DENND4C: variants seen among roughly 807,000 people sequenced by gnomAD.
The protein encoded by DENND4C is DENN domain containing 4C.
DENND4C carries 108 observed loss-of-function variants against 203.0 expected under a neutral mutation model. The ratio of observed to expected loss-of-function variants is 0.53; its 90% CI spans 0.46 to 0.62. The LOEUF (loss-of-function observed/expected upper bound fraction) is 0.62, where lower values mean the gene tolerates loss of function less well. Ranked by LOEUF, DENND4C falls within the 20% of genes least tolerant of loss-of-function variation. The pLI is 0.00. For missense variants in DENND4C, 2,481 were observed against 2,301.2 expected, an observed-to-expected ratio of 1.08 and a Z score of -1.60; for synonymous variants, 871 against 792.4, an observed-to-expected ratio of 1.10 and a Z score of -1.67.
intron 30 of DENND4C, among the ~76,000 whole-genome samples, chr9:19,363,847 C>T (rs1827038089): frequency 6.6e-6 from 1 of 151,866 alleles, no homozygotes. Flanking sequence ...TCTGTCTCTA[C>T]TAAAAATATA....
intron 5 of DENND4C, among the ~76,000 whole-genome samples, chr9:19,291,940 T>TG (rs1338741816): frequency 6.6e-6 from 1 of 152,074 alleles, no homozygotes; most frequent in Admixed American, 6.5e-5. Flanking sequence ...CCAAGGTTGA[T>TG]GAAAAAATTG....
At chr9:19,280,136 G>A (rs201247953) in intron 2 of DENND4C, among the ~76,000 whole-genome samples, 6 of 43,032 alleles carry the variant, frequency 1.4e-4, no homozygotes, top group South Asian at 1.0e-3. Flanking sequence ...CTGCCTACCT[G>A]CCTGCCTTCC....
chr9:19,351,698 C>G (rs1824160694), intron 24 of DENND4C, among the ~76,000 whole-genome samples: 2 of 151,358 alleles, frequency 1.3e-5, no homozygotes, highest in South Asian at 4.2e-4. Flanking sequence ...TCCCAGCTAC[C>G]TGGGAGGCGG....
chr9:19,260,795 G>T (rs1455868591), intron 1 of DENND4C, among the ~76,000 whole-genome samples: 2 of 152,110 alleles, frequency 1.3e-5, no homozygotes, highest in African/African-American at 4.8e-5. Context: ...TTCCTTTGCT[G>T]TGCAGAAGCA....
intron 1 of DENND4C, among the ~76,000 whole-genome samples, chr9:19,243,458 G>A (rs1022497577): frequency 1.3e-5 from 2 of 152,112 alleles, no homozygotes; most frequent in Admixed American, 6.6e-5. Flanking sequence ...CAAACTAAAT[G>A]TTCCCAAACG....
At chr9:19,238,405 A>G (rs993954006) in intron 1 of DENND4C, among the ~76,000 whole-genome samples, 1 of 150,248 alleles carries the variant, frequency 6.7e-6, no homozygotes, top group Non-Finnish European at 1.5e-5. Flanking sequence ...AGTGGTTGCT[A>G]GCAGTCCTTA....
chr9:19,231,903 G>A (rs2131301137), intron 1 of DENND4C, among the ~76,000 whole-genome samples: 1 of 152,174 alleles, frequency 6.6e-6, no homozygotes, highest in South Asian at 2.1e-4. Context: ...TCCGGTCTGT[G>A]TATAATGAGA....
At chr9:19,261,789 C>T (rs1392147458) in intron 1 of DENND4C, among the ~76,000 whole-genome samples, 1 of 152,052 alleles carries the variant, frequency 6.6e-6, no homozygotes, top group Admixed American at 6.6e-5. Flanking sequence ...CAGACATGAG[C>T]CACCATGCCT....
intron 1 of DENND4C, among the ~76,000 whole-genome samples, chr9:19,245,619 G>T (rs906134867): frequency 2.0e-5 from 3 of 152,088 alleles, no homozygotes; most frequent in African/African-American, 7.2e-5. Flanking sequence ...CACTTTGGAA[G>T]GCCGAGGCGG....
intron 1 of DENND4C, among the ~76,000 whole-genome samples, chr9:19,272,450 A>C (rs1831918795): frequency 6.6e-6 from 1 of 151,934 alleles, no homozygotes; most frequent in African/African-American, 2.4e-5. Flanking sequence ...AAAAAACAAA[A>C]AAATGTTTCC....
intron 23 of DENND4C, among the ~76,000 whole-genome samples, chr9:19,348,392 GA>G (rs1430863086): frequency 6.6e-6 from 1 of 152,060 alleles, no homozygotes; most frequent in Non-Finnish European, 1.5e-5. Flanking sequence ...GGGCTATCCA[GA>G]AAAAAAGCAA....
intron 3 of DENND4C, 96 bp downstream of exon 3, chr9:19,287,117 A>G (rs759655453): frequency 2.8e-5 from 30 of 1,069,120 alleles, no homozygotes; most frequent in Non-Finnish European, 3.0e-5. Flanking sequence ...CTCACATTTT[A>G]TATTTTCATG....
intron 1 of DENND4C, among the ~76,000 whole-genome samples, chr9:19,263,370 T>G (rs1010828320): frequency 3.9e-5 from 6 of 152,184 alleles, no homozygotes; most frequent in African/African-American, 7.2e-5. Flanking sequence ...TTATTTGTTT[T>G]TTTGAGACAG....
chr9:19,256,780 A>G (rs1828075057), intron 1 of DENND4C, among the ~76,000 whole-genome samples: 2 of 152,162 alleles, frequency 1.3e-5, no homozygotes, highest in African/African-American at 2.4e-5. Context: ...AAAAAAGGAA[A>G]TAAAACAAGG....
At chr9:19,261,903 CCTTAA>C (rs1829448341) in intron 1 of DENND4C, among the ~76,000 whole-genome samples, 1 of 151,704 alleles carries the variant, frequency 6.6e-6, no homozygotes, top group Admixed American at 6.6e-5. Context: ...ATTAGGTTAA[CCTTAA>C]CTTAGGTTAA....
intron 1 of DENND4C, among the ~76,000 whole-genome samples, chr9:19,271,115 A>G (rs1226641420): frequency 6.6e-6 from 1 of 152,168 alleles, no homozygotes; most frequent in Admixed American, 6.5e-5. Context: ...TTCATGGATT[A>G]GAAGACTCAA....
chr9:19,251,585 G>A (rs981984411), intron 1 of DENND4C, among the ~76,000 whole-genome samples: 7 of 152,132 alleles, frequency 4.6e-5, no homozygotes, highest in Non-Finnish European at 1.0e-4. Context: ...CAAATTTTCT[G>A]AACTTTTATG....
chr9:19,316,208 A>G (rs1841821839), intron 10 of DENND4C, among the ~76,000 whole-genome samples: 1 of 152,216 alleles, frequency 6.6e-6, no homozygotes, highest in Non-Finnish European at 1.5e-5. Flanking sequence ...ATATGTTGGA[A>G]GGTTAGAATG....
chr9:19,371,686 CATT>C, intron 31 of DENND4C, 67 bp from the exon 32 acceptor site: 1 of 773,672 alleles, frequency 1.3e-6, no homozygotes, highest in South Asian at 1.6e-5. Flanking sequence ...ATGTCTTCAC[CATT>C]AAAAAAAATG....
Sources: gnomAD v4.1 joint callset for allele counts (sites outside exome capture counted in the v4.1 genomes callset) on GRCh38, gnomAD v4.1.1 for gene constraint, MANE v1.5 for transcripts, NCBI Gene and HGNC (gene_info 2026-07-23, HGNC 2026-07-21) for gene names.